RANBP2: variants seen among roughly 807,000 people sequenced by gnomAD.
The protein encoded by RANBP2 is RAN binding protein 2.
Under a neutral mutation model 303.6 loss-of-function variants are expected in RANBP2, and 57 were observed. The observed-to-expected ratio is 0.19, with a 90% CI of 0.15 to 0.23. The LOEUF (loss-of-function observed/expected upper bound fraction) is 0.23. Ranked by LOEUF, RANBP2 falls within the 10% of genes least tolerant of loss-of-function variation. RANBP2 has a pLI of 1.00. For missense variants in RANBP2, 3,138 were observed against 3,780.8 expected (o/e 0.83, Z 4.46); for synonymous variants, 1,167 against 1,301.5 (o/e 0.90, Z 2.23).
chr2:108,778,909 T>G (rs1678054318), intron 25 of RANBP2, among the ~76,000 whole-genome samples: 1 of 152,114 alleles, frequency 6.6e-6, no homozygotes, highest in Non-Finnish European at 1.5e-5. Flanking sequence ...TTACATTTTT[T>G]GTAGAGACAG....
the RANBP2 span, among the ~76,000 whole-genome samples, chr2:108,842,437 G>A: frequency 2.6e-5 from 4 of 151,918 alleles, no homozygotes; most frequent in Admixed American, 6.6e-5. Context: ...GAGAGAGAGC[G>A]AGAGAGAGAG....
chr2:109,380,701 G>A, the RANBP2 span, among the ~76,000 whole-genome samples: 1 of 152,186 alleles, frequency 6.6e-6, no homozygotes, highest in Non-Finnish European at 1.5e-5. Context: ...CCTGGCGAAG[G>A]GGCACATGGA....
chr2:109,031,706 G>C, the RANBP2 span, among the ~76,000 whole-genome samples: 1 of 152,124 alleles, frequency 6.6e-6, no homozygotes, highest in Admixed American at 6.6e-5. Context: ...GGGCTCTGCC[G>C]GTGGCAACCT....
At chr2:108,725,254 A>G (rs1038341480) in intron 1 of RANBP2, among the ~76,000 whole-genome samples, 2 of 152,224 alleles carry the variant, frequency 1.3e-5, no homozygotes, top group Admixed American at 6.5e-5. Flanking sequence ...CTAGCTGTGT[A>G]TCTTTAAACA....
chr2:109,078,852 G>T, the RANBP2 span, among the ~76,000 whole-genome samples: 1 of 151,774 alleles, frequency 6.6e-6, no homozygotes, highest in Non-Finnish European at 1.5e-5. Context: ...ATAGCCGGGT[G>T]TGGTGGCACA....
the RANBP2 span, among the ~76,000 whole-genome samples, chr2:109,659,082 CAAAT>C: frequency 3.5e-5 from 5 of 142,550 alleles, no homozygotes; most frequent in African/African-American, 1.3e-4. Flanking sequence ...AAAAATAAAT[CAAAT>C]AAACTCACAG....
the RANBP2 span, among the ~76,000 whole-genome samples, chr2:109,726,067 G>GTGTGTGTGTGTA: frequency 7.3e-6 from 1 of 137,024 alleles, no homozygotes; most frequent in Non-Finnish European, 1.7e-5. Flanking sequence ...TGGTGTGTGT[G>GTGTGTGTGTGTA]TGTGTGTGTG....
chr2:109,469,854 G>A, the RANBP2 span, among the ~76,000 whole-genome samples: 1 of 152,170 alleles, frequency 6.6e-6, no homozygotes, highest in Admixed American at 6.5e-5. Flanking sequence ...TGCAGCTTGG[G>A]GCCAGGCGTT....
the RANBP2 span, among the ~76,000 whole-genome samples, chr2:109,349,465 C>T: frequency 6.6e-6 from 1 of 152,184 alleles, no homozygotes; most frequent in Non-Finnish European, 1.5e-5. Context: ...TTTTTAGGCA[C>T]ACAGAAACCC....
the RANBP2 span, chr2:109,618,744 A>T: frequency 6.0e-6 from 1 of 167,146 alleles, no homozygotes; most frequent in East Asian, 1.9e-4. Flanking sequence ...GTGGTTAAAA[A>T]ACCCAAGTAT....
chr2:109,508,929 A>T, the RANBP2 span, among the ~76,000 whole-genome samples: 846 of 152,228 alleles, frequency 5.6e-3, 14 homozygotes, highest in East Asian at 0.035. Flanking sequence ...GGACGGGGGG[A>T]TGCAGTCCAC....
At chr2:109,538,308 A>T in the RANBP2 span, among the ~76,000 whole-genome samples, 4 of 152,188 alleles carry the variant, frequency 2.6e-5, no homozygotes, top group Admixed American at 6.5e-5. Context: ...TCATTTTTCT[A>T]TCTCAAGGTC....
chr2:108,912,578 G>T, the RANBP2 span: 1 of 1,159,544 alleles, frequency 8.6e-7, no homozygotes, highest in Non-Finnish European at 1.3e-6. Context: ...GTGGGGAAGC[G>T]CACCATAATC....
chr2:109,425,860 T>A, the RANBP2 span, among the ~76,000 whole-genome samples: 11 of 152,332 alleles, frequency 7.2e-5, no homozygotes, highest in African/African-American at 2.6e-4. Flanking sequence ...GATTGTCAAG[T>A]GTTCTTATTT....
the RANBP2 span, among the ~76,000 whole-genome samples, chr2:109,021,736 C>T: frequency 6.6e-6 from 1 of 152,028 alleles, no homozygotes; most frequent in African/African-American, 2.4e-5. Context: ...CCCAGGGCCA[C>T]AGGGTGTGGA....
chr2:108,863,313 A>G, the RANBP2 span, among the ~76,000 whole-genome samples: 9 of 152,252 alleles, frequency 5.9e-5, no homozygotes, highest in African/African-American at 2.2e-4. Flanking sequence ...TCTCAGTTAC[A>G]AGCTTTCACA....
At chr2:108,918,348 G>A in the RANBP2 span, among the ~76,000 whole-genome samples, 109 of 152,274 alleles carry the variant, frequency 7.2e-4, no homozygotes, top group African/African-American at 2.5e-3. Flanking sequence ...GTTTCACCCC[G>A]GTCCACTGTG....
chr2:109,638,683 A>T, the RANBP2 span, among the ~76,000 whole-genome samples: 1 of 152,200 alleles, frequency 6.6e-6, no homozygotes. Flanking sequence ...CAAAAACAAA[A>T]ATTGTTTTTG....
At chr2:109,709,678 A>G in the RANBP2 span, among the ~76,000 whole-genome samples, 1 of 152,276 alleles carries the variant, frequency 6.6e-6, no homozygotes, top group South Asian at 2.1e-4. Flanking sequence ...GGGCTCATAA[A>G]AGCCCTCAGC....
Sources: gnomAD v4.1 joint callset for allele counts (sites outside exome capture counted in the v4.1 genomes callset) on GRCh38, gnomAD v4.1.1 for gene constraint, MANE v1.5 for transcripts, NCBI Gene and HGNC (gene_info 2026-07-23, HGNC 2026-07-21) for gene names.